The following RPN2 variants were observed in gnomAD, a reference collection of about 807,000 sequenced individuals.
The protein encoded by RPN2 is dolichyl-diphosphooligosaccharide--protein glycosyltransferase subunit 2.
In RPN2, 29 loss-of-function variants were observed where a neutral mutation model predicts 71.4. That is an observed-to-expected ratio of 0.41 (90% CI 0.30 to 0.55). The LOEUF (loss-of-function observed/expected upper bound fraction) is 0.55. Among genes scored for constraint, RPN2 ranks in the 20% least tolerant of loss-of-function variants. The pLI is 0.35. For missense variants in RPN2, 726 were observed against 774.1 expected (o/e 0.94, Z 0.74); for synonymous variants, 308 against 305.0 (o/e 1.01, Z -0.10).
chr20:37,180,031 G>A lies in RPN2; in HGVS notation c.13+662G>A, dbSNP rs148255721. On this transcript the variant is annotated intron_variant, in intron 1 of 16. Transcript: ENST00000237530. ...CGTGCTTAGTTTAGAACAGTGCATG[G>A]CCCTAGGTAAGAACTAAGTTAACTG... is the stretch of plus-strand genomic sequence containing the variant. Among the ~76,000 whole-genome samples the A allele has an allele frequency of 4.9e-3, 743 of 152,318 alleles. 8 individuals carry two copies. The highest frequency in any genetic ancestry group is 0.017 in the African/African-American group (705 of 41,556).
At chr20:37,192,724 G>A (rs748778544) in intron 2 of RPN2, among the ~76,000 whole-genome samples, 2 of 152,206 alleles carry the variant, frequency 1.3e-5, no homozygotes, top group African/African-American at 4.8e-5. Flanking sequence ...ACAATGGTAA[G>A]TTTTATGAAG....
chr20:37,215,710 A>G (rs986635589), intron 9 of RPN2, among the ~76,000 whole-genome samples: 1 of 152,072 alleles, frequency 6.6e-6, no homozygotes, highest in Non-Finnish European at 1.5e-5. Context: ...TTGCTGTTAC[A>G]GTCACCAAAT....
chr20:37,216,715 G>A (rs79846853), intron 9 of RPN2, among the ~76,000 whole-genome samples: 79 of 152,178 alleles, frequency 5.2e-4, no homozygotes, highest in African/African-American at 1.8e-3. Flanking sequence ...GCCTGCTTTG[G>A]CCCACCGACG....
chr20:37,200,360 T>A (rs1433438035), intron 4 of RPN2: 1 of 449,212 alleles, frequency 2.2e-6, no homozygotes, highest in African/African-American at 2.1e-5. Context: ...TGTAATTTTT[T>A]TTTTTTTAAC....
At chr20:37,219,208 C>T (rs2067893906) in intron 9 of RPN2, among the ~76,000 whole-genome samples, 2 of 152,022 alleles carry the variant, frequency 1.3e-5, no homozygotes, top group Admixed American at 1.3e-4. Context: ...TTGATTTTCG[C>T]CATCGTAGTG....
In RPN2 at chr20:37,199,094, CAGTG is replaced by C; in HGVS notation, c.351_354del (p.Ser117ArgfsTer15). On this transcript the variant is annotated frameshift_variant, in exon 4 of 17. Coordinates refer to ENST00000237530, the MANE Select transcript of RPN2 (RefSeq NM_002951.5). LOFTEE classifies it high-confidence loss of function. ...CCAAAGATCTGCTTCTGGCAGCTGTCAGTGAGGACTCATCTGTTACCCAGATCTA... is the reference window on the plus strand; with the variant it reads ...CCAAAGATCTGCTTCTGGCAGCTGTCAGGACTCATCTGTTACCCAGATCTA... 1 of 1,613,752 alleles carries C rather than the reference CAGTG, an allele frequency of 6.2e-7. No homozygotes were observed. Among genetic ancestry groups the C allele is most frequent in the Non-Finnish European group, 8.5e-7 (1 of 1,179,630 alleles).
chr20:37,241,541 A>G lies in RPN2; in HGVS notation c.*226A>G. 1.7e-6 allele frequency: 1 copy of G among 599,876 alleles called. No homozygotes were observed. Among genetic ancestry groups the G allele is most frequent in the East Asian group, 3.0e-5 (1 of 33,834 alleles). 37.2% of individuals were successfully genotyped at this position (599,876 alleles called of 1,614,324 possible). A position where few individuals can be genotyped will look rare whatever the true frequency, so the allele number is the denominator to read the frequency against. On this transcript the variant is annotated 3_prime_UTR_variant, in exon 17 of 17. Coordinates refer to ENST00000237530, the MANE Select transcript of RPN2 (RefSeq NM_002951.5). ...TGACACTGTGTAAGAAGCTGTGAAT[A>G]TTCCTAACTTACCCAGATGTTGCTT...
intron 11 of RPN2, among the ~76,000 whole-genome samples, chr20:37,227,746 T>C (rs1000016490): frequency 6.6e-6 from 1 of 152,230 alleles, no homozygotes; most frequent in South Asian, 2.1e-4. Context: ...TGGGTAGTTA[T>C]CAAGTTTTGG....
Position 37,230,346 on chromosome 20 carries a change from C to T in RPN2, c.1581+287C>T, listed in dbSNP as rs148010703. On this transcript the variant is annotated intron_variant, in intron 13 of 16. Coordinates refer to ENST00000237530, the MANE Select transcript of RPN2 (RefSeq NM_002951.5). The stretch of plus-strand genomic sequence containing the variant: ...CAACCCTCAGACCACAGCTTATTAG[C>T]TATGAGCGCAGATGGTTCTAGCGTT... Among the ~76,000 whole-genome samples, 747 of 152,302 alleles carry T rather than the reference C, an allele frequency of 4.9e-3. 8 individuals carry two copies. Among genetic ancestry groups the T allele is most frequent in the African/African-American group, 0.017 (708 of 41,560 alleles).
intron 4 of RPN2, 59 bp downstream of exon 4, chr20:37,199,284 G>A: frequency 1.9e-6 from 3 of 1,591,132 alleles, no homozygotes; most frequent in Non-Finnish European, 2.6e-6. Context: ...TATCCGAAGA[G>A]GGCTCATTCA....
intron 1 of RPN2, 88 bp downstream of exon 1, chr20:37,179,457 C>T (rs2066781636): frequency 4.2e-6 from 6 of 1,426,156 alleles, no homozygotes; most frequent in African/African-American, 1.5e-5. Context: ...GGCGGGATCC[C>T]CTTCCCCTGC....
chr20:37,207,764 A>G (rs896849913), intron 7 of RPN2, among the ~76,000 whole-genome samples: 9 of 152,076 alleles, frequency 5.9e-5, no homozygotes, highest in Admixed American at 1.3e-4. Flanking sequence ...TCACTGCTGC[A>G]TCCACCTCCT....
At chr20:37,239,733 C>G (rs1361880418) in intron 16 of RPN2, among the ~76,000 whole-genome samples, 1 of 152,126 alleles carries the variant, frequency 6.6e-6, no homozygotes, top group African/African-American at 2.4e-5. Flanking sequence ...TAGGTATTGC[C>G]ACTCTCCAGA....
At chr20:37,223,510 CT>C (rs1399706142) in intron 9 of RPN2, among the ~76,000 whole-genome samples, 9 of 152,212 alleles carry the variant, frequency 5.9e-5, no homozygotes, top group African/African-American at 2.2e-4. Context: ...TCAATAAATC[CT>C]AGCTATCATT....
At chr20:37,224,981 A>T (rs1199215996) in intron 10 of RPN2, among the ~76,000 whole-genome samples, 1 of 152,200 alleles carries the variant, frequency 6.6e-6, no homozygotes, top group African/African-American at 2.4e-5. Context: ...CTAGATGAAG[A>T]GTTGGTCTTA....
chr20:37,238,298 T>C, intron 16 of RPN2: 1 of 870,542 alleles, frequency 1.1e-6, no homozygotes, highest in South Asian at 1.4e-5. Context: ...GAAAAATCAG[T>C]GACCCTAATG....
At position 37,204,720 on chromosome 20, in the gene RPN2, T is replaced by A. The variant is rs757380604; in HGVS notation, c.556-47T>A. The A allele has an allele frequency of 1.9e-6, 3 of 1,611,290 alleles. No homozygotes were observed. The Admixed American group carries it at 5.0e-5, about 27-fold the overall frequency. ...GTTGACAGTGGTTCGTGCATCTCATTTCTGCTGTTACTTGACATCCAGCAT... is the reference window on the plus strand; with the variant it reads ...GTTGACAGTGGTTCGTGCATCTCATATCTGCTGTTACTTGACATCCAGCAT... On this transcript the variant is annotated intron_variant, in intron 5 of 16. Coordinates refer to ENST00000237530, the MANE Select transcript of RPN2 (RefSeq NM_002951.5).
At chr20:37,184,743 G>GA in intron 2 of RPN2, among the ~76,000 whole-genome samples, 1 of 152,172 alleles carries the variant, frequency 6.6e-6, no homozygotes, top group South Asian at 2.1e-4. Flanking sequence ...AGTGAGCTGA[G>GA]ATCCCGCCAT....
intron 2 of RPN2, among the ~76,000 whole-genome samples, chr20:37,188,767 T>C (rs956407149): frequency 6.6e-6 from 1 of 151,424 alleles, no homozygotes. Context: ...CAGTCACCTG[T>C]CACCATGCCT....
Sources: gnomAD v4.1 joint callset for allele counts (sites outside exome capture counted in the v4.1 genomes callset) on GRCh38, gnomAD v4.1.1 for gene constraint, MANE v1.5 for transcripts, NCBI Gene and HGNC (gene_info 2026-07-23, HGNC 2026-07-21) for gene names.